The following ITPR1 variants were observed in gnomAD, a reference collection of about 807,000 sequenced individuals.
ITPR1 encodes the protein inositol 1,4,5-trisphosphate-gated calcium channel ITPR1.
A neutral mutation model predicts 318.4 loss-of-function variants in ITPR1; 96 were observed. The ratio of observed to expected loss-of-function variants is 0.30; its 90% CI spans 0.26 to 0.36. The LOEUF (loss-of-function observed/expected upper bound fraction) is 0.36. Among genes scored for constraint, ITPR1 ranks in the 10% least tolerant of loss-of-function variants. The probability of loss-of-function intolerance (pLI) is 1.00; values close to 1 mark genes in which losing one functional copy is unlikely to be tolerated. For synonymous variants in ITPR1, 1,312 were observed against 1,289.9 expected, an observed-to-expected ratio of 1.02 and a Z score of -0.37; for missense variants, 2,440 against 3,460.2, an observed-to-expected ratio of 0.71 and a Z score of 7.40.
intron 16 of ITPR1, among the ~76,000 whole-genome samples, chr3:4,664,520 T>C (rs1239930708): frequency 6.6e-6 from 1 of 152,250 alleles, no homozygotes; most frequent in African/African-American, 2.4e-5. Flanking sequence ...ACAGAATTTA[T>C]TAACAATCCA....
In ITPR1 at chr3:4,717,411, G is replaced by T. The variant is rs750573119; in HGVS notation, c.5136+12G>T. ...TGGATAATGCTGAGGTCCTAATTTT[G>T]TTGTTTTTTGTTTTTCATGTCTCAT... On this transcript the variant is annotated intron_variant, in intron 40 of 61. Coordinates refer to ENST00000649015, the MANE Select transcript of ITPR1 (RefSeq NM_001378452.1). 6 of 1,591,508 alleles carry T rather than the reference G, an allele frequency of 3.8e-6. No homozygotes were observed. In the South Asian group the frequency reaches 5.5e-5, roughly 15 times the overall value.
At chr3:4,727,860 G>T (rs924230585) in intron 42 of ITPR1, among the ~76,000 whole-genome samples, 1 of 152,198 alleles carries the variant, frequency 6.6e-6, no homozygotes, top group Non-Finnish European at 1.5e-5. Context: ...ACAGGTGTGT[G>T]CCACCATGCC....
chr3:4,696,079 A>G (rs2094553034), intron 33 of ITPR1, among the ~76,000 whole-genome samples: 1 of 152,146 alleles, frequency 6.6e-6, no homozygotes, highest in Non-Finnish European at 1.5e-5. Context: ...TGGTTGTATG[A>G]TAGTATCGCA....
At chr3:4,687,252 C>G (rs1398564678) in intron 30 of ITPR1, among the ~76,000 whole-genome samples, 5 of 152,188 alleles carry the variant, frequency 3.3e-5, no homozygotes. Context: ...CTGCCTTGCC[C>G]TTTAAGAAAA....
At chr3:4,591,650 C>A (rs2090406114) in intron 4 of ITPR1, among the ~76,000 whole-genome samples, 1 of 152,150 alleles carries the variant, frequency 6.6e-6, no homozygotes, top group Non-Finnish European at 1.5e-5. Context: ...CAGATCTTTG[C>A]CTTGAATTGG....
chr3:4,611,444 T>G (rs951558928), intron 4 of ITPR1, among the ~76,000 whole-genome samples: 1 of 151,472 alleles, frequency 6.6e-6, no homozygotes, highest in African/African-American at 2.4e-5. Flanking sequence ...CCTGTAATCC[T>G]AGCTACTTGG....
intron 44 of ITPR1, among the ~76,000 whole-genome samples, chr3:4,737,832 A>T (rs1175955865): frequency 1.3e-5 from 2 of 152,220 alleles, no homozygotes; most frequent in Non-Finnish European, 2.9e-5. Flanking sequence ...GGTGCTGGAA[A>T]CATATTCGAC....
chr3:4,651,063 G>A (rs2093586773), intron 10 of ITPR1, among the ~76,000 whole-genome samples: 1 of 152,184 alleles, frequency 6.6e-6, no homozygotes, highest in Non-Finnish European at 1.5e-5. Context: ...CCCCTTCCAA[G>A]ATGGGACCCC....
intron 31 of ITPR1, 55 bp from the exon 32 acceptor site, chr3:4,691,089 T>G: frequency 2.5e-6 from 3 of 1,223,148 alleles, no homozygotes; most frequent in Admixed American, 5.0e-5. Context: ...CTTTTTAATC[T>G]GTTCTGTCAG....
At position 4,666,046 on chromosome 3, in the gene ITPR1, C is replaced by T. The variant is rs74740208; in HGVS notation, c.1713+750C>T. Among the ~76,000 whole-genome samples the T allele has an allele frequency of 7.1e-3, 1,084 of 152,294 alleles. 18 individuals are homozygous for T. The highest frequency in any genetic ancestry group is 0.025 in the African/African-American group (1,044 of 41,556). ...CAGCAGTGCCAAGGACATCCCCACA[C>T]AACCAAGAATTATCCTGCCTAAAAT... On this transcript the variant is annotated intron_variant, in intron 17 of 61. Coordinates refer to ENST00000649015, the MANE Select transcript of ITPR1 (RefSeq NM_001378452.1).
rs990999701 is a variant in ITPR1, at chr3:4,607,243, G to A, written c.164-20520G>A. 3.9e-5 allele frequency among the ~76,000 whole-genome samples: 6 copies of A among 152,228 alleles called. No individual in the cohort carries two copies. In the South Asian group the frequency reaches 6.2e-4, roughly 16 times the overall value. On this transcript the variant is annotated intron_variant, in intron 4 of 61. Transcript: ENST00000649015. The stretch of plus-strand genomic sequence containing the variant: ...CCCCACCCAGACTTGCTGCATCAGA[G>A]TCTGCATTTTAACAGGATCTCTAGA...
At chr3:4,756,152 T>C (rs1447424273) in intron 44 of ITPR1, among the ~76,000 whole-genome samples, 1 of 152,172 alleles carries the variant, frequency 6.6e-6, no homozygotes, top group African/African-American at 2.4e-5. Context: ...TGGTTTAAAA[T>C]GTTGGGAAAT....
In ITPR1 at chr3:4,753,377, A is replaced by G. The variant is rs77986810; in HGVS notation, c.5545-13153A>G. Among the ~76,000 whole-genome samples, 1,379 of 152,076 alleles carry G rather than the reference A, an allele frequency of 9.1e-3. 21 individuals are homozygous for G. The highest frequency in any genetic ancestry group is 0.031 in the African/African-American group (1,274 of 41,474). ...TGCCGCCGCCAAAGCCCTAATATAC[A>G]AAGCAGCTTTACCCAGATGAGTGCT... On this transcript the variant is annotated intron_variant, in intron 44 of 61. Transcript: ENST00000649015.
chr3:4,497,182 T>C (rs1011124514), intron 2 of ITPR1, among the ~76,000 whole-genome samples: 1 of 152,220 alleles, frequency 6.6e-6, no homozygotes, highest in Non-Finnish European at 1.5e-5. Flanking sequence ...ATTCTCTTGG[T>C]TTCTGTGGTT....
chr3:4,727,938 G>A (rs1192284303), intron 42 of ITPR1, among the ~76,000 whole-genome samples: 1 of 152,184 alleles, frequency 6.6e-6, no homozygotes, highest in East Asian at 1.9e-4. Flanking sequence ...TGTGCCAACA[G>A]ACACAGGCAC....
intron 61 of ITPR1, among the ~76,000 whole-genome samples, chr3:4,837,395 C>T (rs1166389178): frequency 6.6e-6 from 1 of 151,992 alleles, no homozygotes; most frequent in Non-Finnish European, 1.5e-5. Context: ...TGGAAAAGCC[C>T]TTTTGGTTTC....
intron 44 of ITPR1, among the ~76,000 whole-genome samples, chr3:4,763,201 G>A (rs191038699): frequency 1.3e-5 from 2 of 152,206 alleles, no homozygotes; most frequent in African/African-American, 2.4e-5. Context: ...GGTCCTGTTG[G>A]GGGAGGCAGG....
intron 44 of ITPR1, among the ~76,000 whole-genome samples, chr3:4,740,253 A>G (rs751170065): frequency 1.3e-5 from 2 of 152,230 alleles, no homozygotes; most frequent in Non-Finnish European, 2.9e-5. Context: ...TGGATGCTAC[A>G]GCTGCAGGAA....
chr3:4,748,955 G>C (rs1488392), intron 44 of ITPR1, among the ~76,000 whole-genome samples: 79 of 152,284 alleles, frequency 5.2e-4, no homozygotes, highest in Non-Finnish European at 8.4e-4. Flanking sequence ...GTTTTCCTCC[G>C]CGGGGATTTA....
Sources: gnomAD v4.1 joint callset for allele counts (sites outside exome capture counted in the v4.1 genomes callset) on GRCh38, gnomAD v4.1.1 for gene constraint, MANE v1.5 for transcripts, NCBI Gene and HGNC (gene_info 2026-07-23, HGNC 2026-07-21) for gene names.